Variants in PLEKHA2 observed in about 807,000 individuals in gnomAD.
PLEKHA2 encodes the protein pleckstrin homology domain containing A2, also known as pleckstrin homology domain-containing family A member 2.
In PLEKHA2, 28 loss-of-function variants were observed where a neutral mutation model predicts 53.2. The observed-to-expected ratio is 0.53, with a 90% CI of 0.39 to 0.72. PLEKHA2 has a LOEUF of 0.72. Among genes scored for constraint, PLEKHA2 ranks in the 30% least tolerant of loss-of-function variants. The probability of loss-of-function intolerance (pLI) is 0.00; values close to 1 mark genes in which losing one functional copy is unlikely to be tolerated. For missense variants in PLEKHA2, 426 were observed against 537.9 expected, an observed-to-expected ratio of 0.79 and a Z score of 2.06; for synonymous variants, 193 against 196.4, an observed-to-expected ratio of 0.98 and a Z score of 0.14.
intron 10 of PLEKHA2, among the ~76,000 whole-genome samples, chr8:38,963,856 G>A (rs774220946): frequency 4.6e-5 from 7 of 152,208 alleles, no homozygotes; most frequent in Non-Finnish European, 7.4e-5. Flanking sequence ...TTATCTGACC[G>A]AAAAATGTTC....
chr8:38,964,379 C>T (rs761397213), intron 10 of PLEKHA2, among the ~76,000 whole-genome samples: 3 of 152,104 alleles, frequency 2.0e-5, no homozygotes, highest in Admixed American at 6.5e-5. Flanking sequence ...CCTGTCGGAT[C>T]GGCAGCGGCA....
chr8:38,967,134 G>A lies in PLEKHA2; in HGVS notation c.838-1458G>A, dbSNP rs114831655. Reference sequence around the variant, plus strand: ...AGACACGATTTCATTCATTTTTATAGATGAGTAGTATTCCATTATACATAT... The same window carrying A: ...AGACACGATTTCATTCATTTTTATAAATGAGTAGTATTCCATTATACATAT... On this transcript the variant is annotated intron_variant, in intron 10 of 11. Transcript: ENST00000617275. Among the ~76,000 whole-genome samples the A allele has an allele frequency of 5.2e-3, 785 of 152,232 alleles. 4 individuals carry two copies. The highest frequency in any genetic ancestry group is 0.018 in the African/African-American group (749 of 41,540).
intron 1 of PLEKHA2, among the ~76,000 whole-genome samples, chr8:38,917,051 G>A (rs1015331214): frequency 7.2e-5 from 11 of 152,146 alleles, no homozygotes; most frequent in African/African-American, 2.7e-4. Flanking sequence ...TCATGTGCCT[G>A]TTTGCCACTC....
intron 9 of PLEKHA2, among the ~76,000 whole-genome samples, chr8:38,955,815 TA>T (rs1834928845): frequency 1.3e-5 from 2 of 152,128 alleles, no homozygotes; most frequent in Non-Finnish European, 2.9e-5. Flanking sequence ...TTTGCTTCCT[TA>T]TGTTCTTTTT....
chr8:38,954,692 G>A (rs1834906028), intron 9 of PLEKHA2, among the ~76,000 whole-genome samples: 2 of 152,048 alleles, frequency 1.3e-5, no homozygotes, highest in South Asian at 4.1e-4. Flanking sequence ...ATTAATATTT[G>A]TTGAAAGGCA....
intron 3 of PLEKHA2, among the ~76,000 whole-genome samples, chr8:38,939,956 A>G (rs1016991777): frequency 7.9e-5 from 12 of 152,092 alleles, no homozygotes; most frequent in Non-Finnish European, 1.6e-4. Context: ...TTAGCTGAGC[A>G]TGGTGGTGAG....
chr8:38,906,025 G>A (rs1049249208), intron 1 of PLEKHA2, among the ~76,000 whole-genome samples: 9 of 152,226 alleles, frequency 5.9e-5, no homozygotes, highest in Admixed American at 5.2e-4. Context: ...AACTGCCCAT[G>A]TATTAGTACC....
At chr8:38,928,596 A>C (rs1466777661) in intron 2 of PLEKHA2, among the ~76,000 whole-genome samples, 1 of 152,060 alleles carries the variant, frequency 6.6e-6, no homozygotes, top group Non-Finnish European at 1.5e-5. Context: ...GACGGAAATA[A>C]AGGGAATGGG....
chr8:38,954,806 G>A (rs1834908711), intron 9 of PLEKHA2, among the ~76,000 whole-genome samples: 2 of 152,156 alleles, frequency 1.3e-5, no homozygotes, highest in Non-Finnish European at 2.9e-5. Flanking sequence ...GCCGAGGCGG[G>A]CGGATCACCT....
intron 9 of PLEKHA2, among the ~76,000 whole-genome samples, chr8:38,955,817 T>G (rs1025102308): frequency 3.9e-5 from 6 of 152,170 alleles, no homozygotes; most frequent in Non-Finnish European, 7.4e-5. Flanking sequence ...TGCTTCCTTA[T>G]GTTCTTTTTT....
At chr8:38,954,986 A>G (rs1834912249) in intron 9 of PLEKHA2, among the ~76,000 whole-genome samples, 1 of 152,206 alleles carries the variant, frequency 6.6e-6, no homozygotes, top group South Asian at 2.1e-4. Flanking sequence ...GTGAGCCAAG[A>G]TCGTGCCACT....
At chr8:38,912,858 A>G (rs1833974228) in intron 1 of PLEKHA2, among the ~76,000 whole-genome samples, 1 of 152,010 alleles carries the variant, frequency 6.6e-6, no homozygotes, top group Admixed American at 6.6e-5. Flanking sequence ...CACCTCCCAC[A>G]TTCCTGATGA....
chr8:38,957,086 AGAGGGGCCTGGG>A (rs1451928702), intron 9 of PLEKHA2, among the ~76,000 whole-genome samples: 1 of 152,064 alleles, frequency 6.6e-6, no homozygotes, highest in East Asian at 1.9e-4. Context: ...TGCTGGTGGG[AGAGGGGCCTGGG>A]GAGGGTCCAT....
chr8:38,929,235 C>T (rs553850966), intron 2 of PLEKHA2, among the ~76,000 whole-genome samples: 2 of 152,274 alleles, frequency 1.3e-5, no homozygotes, highest in East Asian at 3.9e-4. Context: ...TGCTGGACAC[C>T]CCAGGGGCCT....
intron 10 of PLEKHA2, among the ~76,000 whole-genome samples, 171 bp from the exon 11 acceptor site, chr8:38,968,421 T>C (rs1342018495): frequency 6.6e-6 from 1 of 152,180 alleles, no homozygotes; most frequent in African/African-American, 2.4e-5. Context: ...AAATAAGATA[T>C]TGCAGGGAAA....
intron 8 of PLEKHA2, among the ~76,000 whole-genome samples, chr8:38,953,094 G>A (rs549266377): frequency 6.6e-6 from 1 of 152,200 alleles, no homozygotes; most frequent in South Asian, 2.1e-4. Flanking sequence ...TCCAGCCTTG[G>A]CCTTCCAAAG....
chr8:38,926,184 ATATCT>A (rs1007301828), intron 2 of PLEKHA2, among the ~76,000 whole-genome samples: 1 of 152,184 alleles, frequency 6.6e-6, no homozygotes, highest in Non-Finnish European at 1.5e-5. Context: ...TGTGTAATTG[ATATCT>A]TAACTATCCA....
intron 4 of PLEKHA2, among the ~76,000 whole-genome samples, chr8:38,944,912 C>T (rs921442819): frequency 6.6e-6 from 1 of 150,430 alleles, no homozygotes; most frequent in African/African-American, 2.4e-5. Context: ...TTCTGTGAAC[C>T]TTATTTTAGA....
intron 1 of PLEKHA2, among the ~76,000 whole-genome samples, chr8:38,905,356 G>A (rs953185987): frequency 6.6e-6 from 1 of 151,986 alleles, no homozygotes; most frequent in African/African-American, 2.4e-5. Context: ...TACTCGGGAG[G>A]CTATAGCAGG....
Sources: allele counts gnomAD v4.1 joint callset (sites outside exome capture counted in the v4.1 genomes callset), GRCh38; gene constraint gnomAD v4.1.1; transcripts MANE v1.5; gene names NCBI Gene and HGNC (gene_info 2026-07-23, HGNC 2026-07-21).